GLYR1: variants seen among roughly 807,000 people sequenced by gnomAD.
GLYR1 encodes cytokine-like nuclear factor N-PAC.
A neutral mutation model predicts 72.7 loss-of-function variants in GLYR1; 21 were observed. That is an observed-to-expected ratio of 0.29 (90% CI 0.20 to 0.42). The LOEUF (loss-of-function observed/expected upper bound fraction) is 0.42, where lower values mean the gene tolerates loss of function less well. GLYR1 is among the 10% of genes least tolerant of loss of function. The pLI is 1.00. For missense variants in GLYR1, 594 were observed against 712.1 expected (o/e 0.83, Z 1.89); for synonymous variants, 392 against 270.2 (o/e 1.45, Z -4.42).
intron 3 of GLYR1, among the ~76,000 whole-genome samples, chr16:4,842,571 G>T (rs930600707): frequency 7.9e-5 from 12 of 151,980 alleles, no homozygotes; most frequent in Non-Finnish European, 1.6e-4. Context: ...ATGTTGTCCA[G>T]GCTGGTCTCC....
At chr16:4,835,860 TA>T (rs918185526) in intron 3 of GLYR1, among the ~76,000 whole-genome samples, 12 of 152,128 alleles carry the variant, frequency 7.9e-5, no homozygotes, top group African/African-American at 2.9e-4. Context: ...AAACCCAGCT[TA>T]CCAGAGCTCT....
intron 7 of GLYR1, 84 bp downstream of exon 7, chr16:4,822,791 T>A (rs563175869): frequency 8.4e-7 from 1 of 1,188,852 alleles, no homozygotes; most frequent in Non-Finnish European, 1.3e-6. Flanking sequence ...GCCTAACTTT[T>A]CAGATGGCCA....
At chr16:4,817,467 T>C (rs2083720411) in intron 10 of GLYR1, 131 bp downstream of exon 10, 1 of 634,454 alleles carries the variant, frequency 1.6e-6, no homozygotes, top group Admixed American at 2.8e-5. Flanking sequence ...TCTACATCTC[T>C]ACCTGCCTGG....
chr16:4,833,643 CA>C (rs112227653), intron 3 of GLYR1, among the ~76,000 whole-genome samples: 3,773 of 128,712 alleles, frequency 0.029, 76 homozygotes, highest in South Asian at 0.072. Flanking sequence ...TATGATGTCT[CA>C]AAAAAAAAAA....
At chr16:4,814,681 G>T in intron 10 of GLYR1, 34 bp from the exon 11 acceptor site, 4 of 1,505,538 alleles carry the variant, frequency 2.7e-6, no homozygotes, top group South Asian at 1.1e-5. Context: ...GTGAGCTGCA[G>T]GCAGTGCACA....
At chr16:4,844,113 CA>C (rs1190119741) in intron 3 of GLYR1, among the ~76,000 whole-genome samples, 15,673 of 69,192 alleles carry the variant, frequency 0.23, 848 homozygotes, top group African/African-American at 0.32. Flanking sequence ...AACTCCATCT[CA>C]AAAAAAAAAA....
intron 15 of GLYR1, among the ~76,000 whole-genome samples, chr16:4,806,932 GAGT>G (rs1355444790): frequency 1.3e-5 from 2 of 150,060 alleles, no homozygotes; most frequent in East Asian, 4.0e-4. Context: ...TCAGCCTCCC[GAGT>G]AGCTGGGACT....
At chr16:4,823,706 G>C in intron 6 of GLYR1, 115 bp downstream of exon 6, 1 of 825,690 alleles carries the variant, frequency 1.2e-6, no homozygotes. Flanking sequence ...GTACTGTTTT[G>C]TAATAATAAA....
intron 3 of GLYR1, among the ~76,000 whole-genome samples, chr16:4,838,963 T>C (rs1359563708): frequency 6.6e-6 from 1 of 152,150 alleles, no homozygotes; most frequent in African/African-American, 2.4e-5. Context: ...CACAGTTCAC[T>C]GTAGCCTTGA....
chr16:4,838,167 A>C (rs564907615), intron 3 of GLYR1, among the ~76,000 whole-genome samples: 206 of 152,272 alleles, frequency 1.4e-3, no homozygotes, highest in Middle Eastern at 6.8e-3. Context: ...ACCAGAAAAA[A>C]ACACACACAA....
intron 9 of GLYR1, among the ~76,000 whole-genome samples, chr16:4,820,777 C>T (rs1478067180): frequency 6.6e-6 from 1 of 152,236 alleles, no homozygotes; most frequent in African/African-American, 2.4e-5. Context: ...GCGGAGGAGA[C>T]ATGCCTACAG....
chr16:4,824,631 C>G (rs933191783), intron 5 of GLYR1, among the ~76,000 whole-genome samples: 24 of 152,158 alleles, frequency 1.6e-4, no homozygotes, highest in Admixed American at 2.0e-4. Context: ...ATGACAAAGG[C>G]AGAATTAAAC....
intron 9 of GLYR1, 103 bp downstream of exon 9, chr16:4,821,277 G>T (rs942938044): frequency 1.3e-4 from 144 of 1,132,686 alleles, no homozygotes; most frequent in Non-Finnish European, 1.8e-4. Flanking sequence ...TTCAATGCCA[G>T]CAATGGCTGG....
chr16:4,812,983 G>A (rs1269266361), intron 12 of GLYR1, among the ~76,000 whole-genome samples: 1 of 146,310 alleles, frequency 6.8e-6, no homozygotes, highest in Non-Finnish European at 1.5e-5. Context: ...TTTTTTTTGA[G>A]ACGGAGTCTT....
In GLYR1 at chr16:4,828,666, C is replaced by A. The variant is rs113128686; in HGVS notation, c.537+3313G>T. On this transcript the variant is annotated intron_variant, in intron 5 of 15. Transcript: ENST00000321919. ...GTGTCTGCGAAACAAACCTAAAGAA[C>A]TGATCAAATGCCTTGTACACAGGCA... Among the ~76,000 whole-genome samples, 54 of 152,148 alleles carry A rather than the reference C, an allele frequency of 3.5e-4. 1 individual carries two copies. Among genetic ancestry groups the A allele is most frequent in the African/African-American group, 1.3e-3 (52 of 41,546 alleles).
chr16:4,805,794 C>T (rs983090484), intron 15 of GLYR1, among the ~76,000 whole-genome samples: 4 of 151,750 alleles, frequency 2.6e-5, no homozygotes, highest in East Asian at 1.9e-4. Flanking sequence ...TGGTGACCGT[C>T]GTGAAACCCC....
At chr16:4,813,069 T>C (rs113469057) in intron 12 of GLYR1, among the ~76,000 whole-genome samples, 2,609 of 151,824 alleles carry the variant, frequency 0.017, 74 homozygotes, top group African/African-American at 0.059. Context: ...TTCATGCCGC[T>C]CTCCTGCCTC....
chr16:4,810,139 C>T (rs1359632934), intron 15 of GLYR1, among the ~76,000 whole-genome samples: 1 of 152,018 alleles, frequency 6.6e-6, no homozygotes, highest in Non-Finnish European at 1.5e-5. Flanking sequence ...GATTTATATA[C>T]TCATGTTATA....
At chr16:4,825,336 C>T (rs1022152127) in intron 5 of GLYR1, among the ~76,000 whole-genome samples, 1 of 152,144 alleles carries the variant, frequency 6.6e-6, no homozygotes, top group Non-Finnish European at 1.5e-5. Flanking sequence ...CGTTAGCACC[C>T]TGCTGGCTTT....
Sources: gnomAD v4.1 joint callset for allele counts (sites outside exome capture counted in the v4.1 genomes callset) on GRCh38, gnomAD v4.1.1 for gene constraint, MANE v1.5 for transcripts, NCBI Gene and HGNC (gene_info 2026-07-23, HGNC 2026-07-21) for gene names.